GULP1: variants seen among roughly 807,000 people sequenced by gnomAD.
The protein encoded by GULP1 is GULP PTB domain containing engulfment adaptor 1.
GULP1 carries 19 observed loss-of-function variants against 40.9 expected under a neutral mutation model. That is an observed-to-expected ratio of 0.46 (90% confidence interval 0.32 to 0.68). GULP1 has a LOEUF of 0.68. GULP1 is among the 30% of genes least tolerant of loss of function. GULP1 has a pLI of 0.03. For missense variants in GULP1, 312 were observed against 362.2 expected (o/e 0.86, Z 1.12); for synonymous variants, 119 against 117.6 (o/e 1.01, Z -0.08).
intron 2 of GULP1, among the ~76,000 whole-genome samples, chr2:188,426,574 C>G (rs2056227012): frequency 6.6e-6 from 1 of 152,134 alleles, no homozygotes; most frequent in South Asian, 2.1e-4. Context: ...CCCTCAGGGC[C>G]TTCTACCTGT....
chr2:188,513,432 C>T (rs560915232), intron 4 of GULP1, among the ~76,000 whole-genome samples: 5 of 152,160 alleles, frequency 3.3e-5, no homozygotes, highest in Admixed American at 3.3e-4. Context: ...CATATTTACA[C>T]AATAATGCCA....
intron 1 of GULP1, among the ~76,000 whole-genome samples, chr2:188,363,432 G>A (rs182008109): frequency 0.012 from 1,843 of 152,230 alleles, 17 homozygotes; most frequent in South Asian, 0.052. Flanking sequence ...TAATTATGGA[G>A]GAGTGTAAAA....
At chr2:188,315,604 T>A (rs1310632823) in intron 1 of GULP1, among the ~76,000 whole-genome samples, 1 of 152,152 alleles carries the variant, frequency 6.6e-6, no homozygotes, top group African/African-American at 2.4e-5. Context: ...TTTCTTGGAT[T>A]AATGAATACA....
At chr2:188,361,614 G>T (rs2046098479) in intron 1 of GULP1, among the ~76,000 whole-genome samples, 1 of 152,028 alleles carries the variant, frequency 6.6e-6, no homozygotes, top group Non-Finnish European at 1.5e-5. Flanking sequence ...TTTGATGTTT[G>T]TTGTGATTTG....
chr2:188,319,845 C>A (rs1305722417), intron 1 of GULP1, among the ~76,000 whole-genome samples: 1 of 151,908 alleles, frequency 6.6e-6, no homozygotes, highest in Non-Finnish European at 1.5e-5. Flanking sequence ...TTCATTTGAT[C>A]TTTTTTGCCC....
At chr2:188,508,683 G>T (rs1165955272) in intron 4 of GULP1, among the ~76,000 whole-genome samples, 1 of 151,756 alleles carries the variant, frequency 6.6e-6, no homozygotes, top group Non-Finnish European at 1.5e-5. Context: ...CCTACTAACA[G>T]AATTATATTG....
At chr2:188,311,178 G>A (rs11688935) in intron 1 of GULP1, among the ~76,000 whole-genome samples, 114,475 of 152,104 alleles carry the variant, frequency 0.75, 43,530 homozygotes, top group East Asian at 0.95. Context: ...TATTTCTGCA[G>A]TTGGTTATTG....
rs186123861 is a variant in GULP1, at chr2:188,448,707, G to T, written c.-44-28952G>T. ...GTTCTGCCCAGATCTCATGTTGAAA[G>T]GTAATCCCCAATTTTGGAGGTGAGG... On this transcript the variant is annotated intron_variant, in intron 2 of 11. Coordinates refer to ENST00000409830, the MANE Select transcript of GULP1 (RefSeq NM_016315.4). Among the ~76,000 whole-genome samples the T allele has an allele frequency of 5.3e-5, 8 of 152,296 alleles. No individual in the cohort carries two copies. The East Asian group carries it at 1.5e-3, about 29-fold the overall frequency.
At chr2:188,364,045 A>G (rs1233399869) in intron 1 of GULP1, among the ~76,000 whole-genome samples, 1 of 152,192 alleles carries the variant, frequency 6.6e-6, no homozygotes, top group Non-Finnish European at 1.5e-5. Flanking sequence ...TGTTATTGCT[A>G]CTTTGTCTAG....
chr2:188,313,021 C>A (rs909878593), intron 1 of GULP1, among the ~76,000 whole-genome samples: 2 of 151,942 alleles, frequency 1.3e-5, no homozygotes, highest in East Asian at 3.9e-4. Context: ...GGATATTAGA[C>A]CTTTGTCAGA....
intron 1 of GULP1, among the ~76,000 whole-genome samples, chr2:188,370,971 C>A (rs1186070010): frequency 6.6e-6 from 1 of 151,916 alleles, no homozygotes; most frequent in Non-Finnish European, 1.5e-5. Flanking sequence ...CATTCTTTAC[C>A]CAAACTCTTC....
chr2:188,425,247 A>T (rs1292686624), intron 2 of GULP1, among the ~76,000 whole-genome samples: 2 of 152,080 alleles, frequency 1.3e-5, no homozygotes, highest in African/African-American at 4.8e-5. Context: ...TAATGAATTT[A>T]TTTTCTAGCA....
intron 9 of GULP1, among the ~76,000 whole-genome samples, chr2:188,575,741 G>A (rs1170023112): frequency 1.1e-5 from 1 of 91,922 alleles, no homozygotes; most frequent in Admixed American, 1.3e-4. Context: ...CACAGGCAAT[G>A]GCAAAGGATT....
Position 188,515,706 on chromosome 2 carries a change from GACACAC to G in GULP1, c.91-7027_91-7022del, listed in dbSNP as rs58687237. ...ATACACATACACACTTACACACACA[GACACAC>G]ACACACACACACACACACACACTCA... is the stretch of plus-strand genomic sequence containing the variant. On this transcript the variant is annotated intron_variant, in intron 4 of 11. Coordinates refer to ENST00000409830, the MANE Select transcript of GULP1 (RefSeq NM_016315.4). Among the ~76,000 whole-genome samples the G allele has an allele frequency of 6.7e-3, 979 of 145,444 alleles. 5 individuals carry two copies. The highest frequency in any genetic ancestry group is 9.6e-3 in the Non-Finnish European group (631 of 65,570).
In GULP1 at chr2:188,594,212, A is replaced by G; in HGVS notation, c.*201A>G. ...TTAAAAACAGCTTACTGTAAAGTAG[A>G]TCATACTTTTATGTTCCTTTCTGTT... On this transcript the variant is annotated 3_prime_UTR_variant, in exon 12 of 12. Transcript: ENST00000409830. The G allele has an allele frequency of 2.6e-6, 1 of 391,728 alleles. No homozygotes were observed. The allele number at this position is 391,728 out of a possible 1,614,324, so 24.3% of individuals were successfully genotyped here. A position where few individuals can be genotyped will look rare whatever the true frequency, so the allele number is the denominator to read the frequency against.
intron 2 of GULP1, among the ~76,000 whole-genome samples, chr2:188,435,429 TCTGA>T (rs1437415106): frequency 6.6e-6 from 1 of 152,078 alleles, no homozygotes; most frequent in Non-Finnish European, 1.5e-5. Context: ...ATGAGTGTCT[TCTGA>T]CTATTAATGG....
intron 2 of GULP1, among the ~76,000 whole-genome samples, chr2:188,414,696 AC>A (rs1478406273): frequency 6.6e-6 from 1 of 152,210 alleles, no homozygotes; most frequent in Admixed American, 6.5e-5. Flanking sequence ...TCAGGGGCTT[AC>A]AATTTTGCTG....
intron 2 of GULP1, among the ~76,000 whole-genome samples, chr2:188,389,661 C>G (rs2050253971): frequency 6.6e-6 from 1 of 152,088 alleles, no homozygotes; most frequent in Non-Finnish European, 1.5e-5. Context: ...TTTTTAGTTA[C>G]ATGGATAAAT....
intron 1 of GULP1, among the ~76,000 whole-genome samples, chr2:188,362,190 C>A (rs2046188515): frequency 6.6e-6 from 1 of 151,962 alleles, no homozygotes; most frequent in Admixed American, 6.6e-5. Flanking sequence ...ACAAACAAAA[C>A]TCTGGAAATA....
Sources: gnomAD v4.1 joint callset for allele counts (sites outside exome capture counted in the v4.1 genomes callset) on GRCh38, gnomAD v4.1.1 for gene constraint, MANE v1.5 for transcripts, NCBI Gene and HGNC (gene_info 2026-07-23, HGNC 2026-07-21) for gene names.